The following NRXN1 variants were observed in gnomAD, a reference collection of about 807,000 sequenced individuals.
NRXN1 encodes the protein neurexin-1.
A neutral mutation model predicts 150.9 loss-of-function variants in NRXN1; 39 were observed. That is an observed-to-expected ratio of 0.26 (90% CI 0.20 to 0.34). The LOEUF (loss-of-function observed/expected upper bound fraction) is 0.34. NRXN1 is among the 10% of genes least tolerant of loss of function. The pLI, the probability that NRXN1 is intolerant of heterozygous loss-of-function variation, is 1.00. For synonymous variants in NRXN1, 924 were observed against 757.0 expected (o/e 1.22, Z -3.62); for missense variants, 1,815 against 1,949.9 (o/e 0.93, Z 1.30).
chr2:51,024,810 A>G (rs1465774252), intron 2 of NRXN1, among the ~76,000 whole-genome samples: 1 of 152,166 alleles, frequency 6.6e-6, no homozygotes, highest in Non-Finnish European at 1.5e-5. Context: ...GAATTTGTTT[A>G]ATATTTACTT....
intron 13 of NRXN1, among the ~76,000 whole-genome samples, chr2:50,505,446 C>G (rs997717586): frequency 2.0e-5 from 3 of 152,128 alleles, no homozygotes; most frequent in African/African-American, 7.2e-5. Context: ...TGGCAGCTGC[C>G]TCTTCCCAAA....
Position 50,859,705 on chromosome 2 carries a change from G to A in NRXN1, c.832+62164C>T, listed in dbSNP as rs1675825735. ...AATGACTGCAAGGTGCAACTACAGA[G>A]TACCCACAGTTCTCCATCTCAAGTA... On this transcript the variant is annotated intron_variant, in intron 5 of 22. Transcript: ENST00000401669. Among the ~76,000 whole-genome samples, 3 of 151,678 alleles carry A rather than the reference G, an allele frequency of 2.0e-5. No individual in the cohort carries two copies. In the South Asian group the frequency reaches 6.2e-4, roughly 31 times the overall value.
chr2:50,628,211 G>A (rs1307960054), intron 5 of NRXN1, among the ~76,000 whole-genome samples: 1 of 151,770 alleles, frequency 6.6e-6, no homozygotes, highest in East Asian at 1.9e-4. Context: ...ATAATAAACA[G>A]TTTGCAATTC....
chr2:50,768,455 T>A (rs964530462), intron 5 of NRXN1, among the ~76,000 whole-genome samples: 3 of 151,708 alleles, frequency 2.0e-5, no homozygotes, highest in African/African-American at 7.2e-5. Context: ...ACTACAGGTG[T>A]GCACCCTGAT....
intron 5 of NRXN1, among the ~76,000 whole-genome samples, chr2:50,800,286 A>T (rs1457448581): frequency 1.3e-5 from 2 of 152,188 alleles, no homozygotes; most frequent in Non-Finnish European, 2.9e-5. Context: ...AGATAAGAGG[A>T]TCACTCTTCC....
At chr2:50,927,076 G>A (rs887141611) in intron 2 of NRXN1, among the ~76,000 whole-genome samples, 1 of 151,880 alleles carries the variant, frequency 6.6e-6, no homozygotes, top group Non-Finnish European at 1.5e-5. Flanking sequence ...TGACATTCTA[G>A]TCTCATCCTT....
chr2:50,877,002 A>C (rs1171032737), intron 5 of NRXN1, among the ~76,000 whole-genome samples: 1 of 151,856 alleles, frequency 6.6e-6, no homozygotes, highest in East Asian at 1.9e-4. Context: ...ACATATCCAC[A>C]TTGGTAATTG....
At position 50,522,479 on chromosome 2, in the gene NRXN1, CA is replaced by C. The variant is rs963695936; in HGVS notation, c.2374+6145del. Among the ~76,000 whole-genome samples the C allele has an allele frequency of 1.2e-4, 18 of 152,134 alleles. No homozygotes were observed. The East Asian group carries it at 3.1e-3, about 26-fold the overall frequency. On this transcript the variant is annotated intron_variant, in intron 12 of 22. Transcript: ENST00000401669. ...TTTCAACATGCATTCTTAAACTGCA[CA>C]AGAGTAGTTTTTAGAATATCACAGC...
At chr2:50,062,712 G>A (rs1233035876) in intron 19 of NRXN1, among the ~76,000 whole-genome samples, 2 of 152,014 alleles carry the variant, frequency 1.3e-5, no homozygotes, top group African/African-American at 4.8e-5. Context: ...TATAACTATC[G>A]ATCAGTAGAG....
intron 17 of NRXN1, among the ~76,000 whole-genome samples, chr2:50,341,308 T>A (rs115841814): frequency 6.6e-6 from 1 of 152,248 alleles, no homozygotes; most frequent in African/African-American, 2.4e-5. Flanking sequence ...AGTTAATAAC[T>A]GGCTGAACTG....
At chr2:50,742,885 A>G (rs1266436851) in intron 5 of NRXN1, among the ~76,000 whole-genome samples, 2 of 152,182 alleles carry the variant, frequency 1.3e-5, no homozygotes, top group Non-Finnish European at 2.9e-5. Flanking sequence ...AAAGGTGAGG[A>G]AAATTGATTT....
chr2:50,775,859 G>T (rs1285708851), intron 5 of NRXN1, among the ~76,000 whole-genome samples: 9 of 151,972 alleles, frequency 5.9e-5, no homozygotes, highest in African/African-American at 2.2e-4. Context: ...AGTTTATCCA[G>T]GGTGATTCTT....
intron 18 of NRXN1, among the ~76,000 whole-genome samples, chr2:50,163,721 T>G (rs996915171): frequency 2.0e-5 from 3 of 152,160 alleles, no homozygotes; most frequent in Non-Finnish European, 2.9e-5. Context: ...CAGTAAGCAT[T>G]TACTTTTTCT....
intron 16 of NRXN1, among the ~76,000 whole-genome samples, chr2:50,468,699 G>C (rs1406377323): frequency 6.6e-6 from 1 of 151,430 alleles, no homozygotes; most frequent in Non-Finnish European, 1.5e-5. Context: ...AGGTAAACTT[G>C]AGTTTGAAAC....
chr2:49,973,871 AT>A (rs1678421747), intron 21 of NRXN1: 1 of 618,918 alleles, frequency 1.6e-6, no homozygotes. Context: ...GTTTATTCTT[AT>A]TTTCATTATT....
chr2:50,952,651 C>G (rs1029466489), intron 2 of NRXN1, among the ~76,000 whole-genome samples: 4 of 152,098 alleles, frequency 2.6e-5, no homozygotes, highest in African/African-American at 9.7e-5. Context: ...AGCAAAGTGC[C>G]TCTGATGAGC....
chr2:50,474,779 ACT>A (rs1157525614), intron 15 of NRXN1, among the ~76,000 whole-genome samples: 2 of 146,272 alleles, frequency 1.4e-5, no homozygotes, highest in Non-Finnish European at 3.0e-5. Flanking sequence ...CTGAGTTGTG[ACT>A]CTAGAATATT....
chr2:50,974,667 T>G (rs1302964743), intron 2 of NRXN1, among the ~76,000 whole-genome samples: 1 of 152,064 alleles, frequency 6.6e-6, no homozygotes, highest in African/African-American at 2.4e-5. Flanking sequence ...TGGGTAGCTT[T>G]TATCCCTATC....
At chr2:50,094,623 G>C (rs1699983687) in intron 18 of NRXN1, among the ~76,000 whole-genome samples, 2 of 152,262 alleles carry the variant, frequency 1.3e-5, no homozygotes, top group Middle Eastern at 3.4e-3. Context: ...GATGTACCAG[G>C]AGCCACTTGT....
Sources: allele counts gnomAD v4.1 joint callset (sites outside exome capture counted in the v4.1 genomes callset), GRCh38; gene constraint gnomAD v4.1.1; transcripts MANE v1.5; gene names NCBI Gene and HGNC (gene_info 2026-07-23, HGNC 2026-07-21).